Variants in SLIT1 observed in about 807,000 individuals in gnomAD.
SLIT1 encodes the protein slit guidance ligand 1, also known as slit homolog 1 protein.
In SLIT1, 66 loss-of-function variants were observed where a neutral mutation model predicts 186.1. The observed-to-expected ratio is 0.35, with a 90% CI of 0.29 to 0.44. The LOEUF is 0.44. SLIT1 is among the 20% of genes least tolerant of loss of function. The probability of loss-of-function intolerance (pLI) is 1.00; values close to 1 mark genes in which losing one functional copy is unlikely to be tolerated. For synonymous variants in SLIT1, 761 were observed against 833.8 expected (o/e 0.91, Z 1.50); for missense variants, 1,638 against 2,037.4 (o/e 0.80, Z 3.77).
intron 4 of SLIT1, among the ~76,000 whole-genome samples, chr10:97,090,923 C>T (rs1377730512): frequency 2.0e-5 from 3 of 152,270 alleles, no homozygotes; most frequent in African/African-American, 7.2e-5. Context: ...GGGGCAGCCC[C>T]GGTTCTCAGT....
chr10:97,060,220 C>G lies in SLIT1; in HGVS notation c.942-62G>C, dbSNP rs971200662. The G allele has an allele frequency of 3.0e-6, 4 of 1,338,004 alleles. No individual in the cohort carries two copies. In the African/African-American group the frequency reaches 5.8e-5, roughly 19 times the overall value. The allele number at this position is 1,338,004 out of a possible 1,614,324, so 82.9% of individuals were successfully genotyped here. On this transcript the variant is annotated intron_variant, in intron 9 of 36. Transcript: ENST00000266058. ...AGGTCAGCCCAGCCCTGGGTGTTATCTGCTGGGCTCACCTGCCCTGAATAA... is the reference window on the plus strand; with the variant it reads ...AGGTCAGCCCAGCCCTGGGTGTTATGTGCTGGGCTCACCTGCCCTGAATAA...
chr10:97,059,322 G>A (rs1848869850), intron 11 of SLIT1, 138 bp downstream of exon 11: 1 of 696,782 alleles, frequency 1.4e-6, no homozygotes, highest in South Asian at 1.6e-5. Flanking sequence ...ATGACCCACT[G>A]AGGCTGGGGT....
intron 22 of SLIT1, among the ~76,000 whole-genome samples, chr10:97,035,790 A>C (rs1339369721): frequency 1.3e-5 from 2 of 151,852 alleles, no homozygotes; most frequent in Non-Finnish European, 2.9e-5. Flanking sequence ...TGCTCCGAAG[A>C]CTTCCCAGGC....
intron 4 of SLIT1, among the ~76,000 whole-genome samples, chr10:97,081,280 G>T (rs1383507779): frequency 6.6e-6 from 1 of 152,152 alleles, no homozygotes; most frequent in Non-Finnish European, 1.5e-5. Flanking sequence ...CAGGGCAGAG[G>T]GGCTGTGAAT....
At chr10:97,177,160 G>A (rs1035297808) in intron 1 of SLIT1, among the ~76,000 whole-genome samples, 3 of 152,090 alleles carry the variant, frequency 2.0e-5, no homozygotes, top group East Asian at 1.9e-4. Flanking sequence ...AGGTTGAAGC[G>A]CTTCCCCTGA....
rs958237781 is a variant in SLIT1, at chr10:97,022,187, G to A, written c.2583-774C>T. Among the ~76,000 whole-genome samples, 7 of 152,174 alleles carry A rather than the reference G, an allele frequency of 4.6e-5. No homozygotes were observed. Among genetic ancestry groups the A allele is most frequent in the African/African-American group, 1.4e-4 (6 of 41,446 alleles). ...TCTCCATCTCAAAGATGTGGGCACC[G>A]AGCCTCCCATGGAATAAGTAATTTC... On this transcript the variant is annotated intron_variant, in intron 25 of 36. Coordinates refer to ENST00000266058, the MANE Select transcript of SLIT1 (RefSeq NM_003061.3). The surrounding 1 kb of genome is among the most constrained non-coding windows in gnomAD (Gnocchi z 4.2).
At chr10:97,111,008 G>T (rs1205812614) in intron 4 of SLIT1, among the ~76,000 whole-genome samples, 1 of 152,118 alleles carries the variant, frequency 6.6e-6, no homozygotes, top group Non-Finnish European at 1.5e-5. Flanking sequence ...TGGCCAACAT[G>T]GTGAAACCCC....
chr10:97,159,585 T>C (rs1334965138), intron 3 of SLIT1, among the ~76,000 whole-genome samples: 4 of 152,134 alleles, frequency 2.6e-5, no homozygotes, highest in Non-Finnish European at 5.9e-5. Flanking sequence ...ATTCAATGCC[T>C]AGTTTAAAAT....
intron 4 of SLIT1, among the ~76,000 whole-genome samples, chr10:97,099,617 T>C (rs1849330270): frequency 6.6e-6 from 1 of 152,198 alleles, no homozygotes; most frequent in Non-Finnish European, 1.5e-5. Context: ...CATACGTGTG[T>C]GTCAGGTGTG....
intron 4 of SLIT1, among the ~76,000 whole-genome samples, chr10:97,137,619 T>C (rs1849715399): frequency 6.6e-6 from 1 of 152,062 alleles, no homozygotes; most frequent in South Asian, 2.1e-4. Context: ...AAGGTCTCAC[T>C]CTATGCCCAG....
chr10:97,163,305 G>C, intron 3 of SLIT1, 75 bp downstream of exon 3: 1 of 1,308,316 alleles, frequency 7.6e-7, no homozygotes, highest in Non-Finnish European at 1.1e-6. Flanking sequence ...CCTCATCCCT[G>C]GCAGCAGCTT....
chr10:97,094,963 C>T (rs769857534), intron 4 of SLIT1, among the ~76,000 whole-genome samples: 2 of 152,168 alleles, frequency 1.3e-5, no homozygotes, highest in Non-Finnish European at 2.9e-5. Flanking sequence ...CTCTACCCTA[C>T]CCCTGTCCCA....
In SLIT1 at chr10:97,060,798, A is replaced by G. The variant is rs761823569; in HGVS notation, c.794-11T>C. 7 of 1,581,300 alleles carry G rather than the reference A, an allele frequency of 4.4e-6. No homozygotes were observed. Among genetic ancestry groups the G allele is most frequent in the East Asian group, 2.3e-5 (1 of 44,366 alleles). On this transcript the variant is annotated splice_polypyrimidine_tract_variant and intron_variant, in intron 8 of 36. Transcript: ENST00000266058. ...CCGCTTCTCCCTGGCCTGCAGAAAC[A>G]GGGGGGTGTGGCCTCAGGCTGTCAT...
Position 97,022,124 on chromosome 10 carries a change from C to T in SLIT1, c.2583-711G>A, listed in dbSNP as rs1344333581. 6.6e-6 allele frequency among the ~76,000 whole-genome samples: 1 copy of T among 152,110 alleles called. No individual in the cohort carries two copies. Among genetic ancestry groups the T allele is most frequent in the Admixed American group, 6.6e-5 (1 of 15,260 alleles). On this transcript the variant is annotated intron_variant, in intron 25 of 36. Transcript: ENST00000266058. The surrounding 1 kb of genome is among the most constrained non-coding windows in gnomAD (Gnocchi z 4.2). Reference sequence around the variant, plus strand: ...AGCTGCTTTTCCTGTGTTTGGGCACCGAATCATCTCATCAGCCCCACTGTG... The same window carrying T: ...AGCTGCTTTTCCTGTGTTTGGGCACTGAATCATCTCATCAGCCCCACTGTG...
At chr10:97,157,714 A>G (rs867491527) in intron 4 of SLIT1, 104 bp downstream of exon 4, 3 of 844,210 alleles carry the variant, frequency 3.6e-6, no homozygotes, top group African/African-American at 3.3e-5. Context: ...GCACAGGGTC[A>G]GGGTCATGGG....
chr10:97,036,417 G>C (rs748271716), intron 22 of SLIT1, among the ~76,000 whole-genome samples: 1 of 152,152 alleles, frequency 6.6e-6, no homozygotes, highest in Non-Finnish European at 1.5e-5. Context: ...ATTAAGCAAA[G>C]ACAGATAAAT....
chr10:97,053,118 A>C (rs149195728), intron 13 of SLIT1, among the ~76,000 whole-genome samples: 23 of 152,346 alleles, frequency 1.5e-4, no homozygotes, highest in African/African-American at 5.3e-4. Context: ...AATCAGGATG[A>C]TAAAGCACCT....
rs139410931 is a variant in SLIT1 at position 97,030,782 on chromosome 10, C to T, written c.2557G>A (p.Ala853Thr). 2.0e-4 allele frequency: 316 copies of T among 1,614,072 alleles called. 1 individual carries two copies. The highest frequency in any genetic ancestry group is 2.3e-4 in the Non-Finnish European group (274 of 1,179,984). Residue 853 changes from alanine (A) to threonine (T), a missense_variant, in exon 25 of 37, where the codon GCA becomes ACA. Coordinates refer to ENST00000266058, the MANE Select transcript of SLIT1 (RefSeq NM_003061.3). ...AGGTGAGACAGGGAGGTCACGTCTG[C>T]AAAGATGCCCTCTTGGAGGGTGGAG... Reference protein sequence around the residue: ...DISTLQEGIFADVTSLSHLAI... With the variant: ...DISTLQEGIFTDVTSLSHLAI...
intron 4 of SLIT1, 173 bp downstream of exon 4, chr10:97,157,644 CA>C: frequency 1.5e-6 from 1 of 653,930 alleles, no homozygotes; most frequent in Non-Finnish European, 2.8e-6. Flanking sequence ...CCCTGCACAG[CA>C]CCTTCCTACA....
Sources: allele counts gnomAD v4.1 joint callset (sites outside exome capture counted in the v4.1 genomes callset), GRCh38; gene constraint gnomAD v4.1.1; non-coding constraint Gnocchi (gnomAD v3.1); transcripts MANE v1.5; gene names NCBI Gene and HGNC (gene_info 2026-07-23, HGNC 2026-07-21).